SLC35D1: variants seen among roughly 807,000 people sequenced by gnomAD.
SLC35D1 encodes nucleotide sugar transporter SLC35D1.
Under a neutral mutation model 46.7 loss-of-function variants are expected in SLC35D1, and 31 were observed. The observed-to-expected ratio is 0.66, with a 90% CI of 0.50 to 0.90. The LOEUF is 0.90. SLC35D1 is among the 40% of genes least tolerant of loss of function. SLC35D1 has a pLI of 0.00. For missense variants in SLC35D1, 397 were observed against 426.2 expected (o/e 0.93, Z 0.60); for synonymous variants, 195 against 164.6 (o/e 1.18, Z -1.41).
the SLC35D1 span, among the ~76,000 whole-genome samples, chr1:66,989,577 C>A: frequency 6.6e-6 from 1 of 152,222 alleles, no homozygotes; most frequent in African/African-American, 2.4e-5. Flanking sequence ...AATCCTCCCA[C>A]CTCAGCCTCC....
chr1:67,047,145 A>C (rs1645260069), intron 7 of SLC35D1, 120 bp downstream of exon 7: 2 of 744,206 alleles, frequency 2.7e-6, no homozygotes, highest in Non-Finnish European at 4.7e-6. Flanking sequence ...TTTTACCCTC[A>C]GAGAGCCACT....
In SLC35D1 at chr1:67,052,118, A is replaced by C. The variant is rs372112875; in HGVS notation, c.325-39T>G. The stretch of plus-strand genomic sequence containing the variant: ...AAAGGGATAACAAAACTCAATAATA[A>C]AGATAGCTAAAACAAGGTCCTTTCA... On this transcript the variant is annotated intron_variant, in intron 3 of 11. Coordinates refer to ENST00000235345, the MANE Select transcript of SLC35D1 (RefSeq NM_015139.3). 22 of 1,350,572 alleles carry C rather than the reference A, an allele frequency of 1.6e-5. No individual in the cohort carries two copies. The African/African-American group carries it at 3.0e-4, about 19-fold the overall frequency. 83.7% of individuals were successfully genotyped at this position (1,350,572 alleles called of 1,614,324 possible). A position where few individuals can be genotyped will look rare whatever the true frequency, so the allele number is the denominator to read the frequency against.
chr1:66,990,141 A>C, the SLC35D1 span, among the ~76,000 whole-genome samples: 9 of 152,326 alleles, frequency 5.9e-5, no homozygotes, highest in East Asian at 1.7e-3. Context: ...GCTTTCAAAC[A>C]TCCTGAATTA....
chr1:67,032,542 G>A (rs775274136), intron 8 of SLC35D1, among the ~76,000 whole-genome samples: 10 of 152,072 alleles, frequency 6.6e-5, no homozygotes, highest in Admixed American at 2.6e-4. Context: ...TTAGCTGGGC[G>A]TGGTGGCGTG....
At chr1:66,979,828 A>C in the SLC35D1 span, among the ~76,000 whole-genome samples, 2 of 151,614 alleles carry the variant, frequency 1.3e-5, no homozygotes, top group African/African-American at 4.8e-5. Context: ...ACAGTGGCGC[A>C]ATCTCGGCTC....
At chr1:67,021,678 C>A in intron 8 of SLC35D1, 76 bp from the exon 9 acceptor site, 15 of 1,297,862 alleles carry the variant, frequency 1.2e-5, no homozygotes, top group East Asian at 3.0e-5. Flanking sequence ...GTAAATCCTT[C>A]TACGAGTCTG....
chr1:66,987,799 AGAC>A, the SLC35D1 span: 1 of 152,186 alleles, frequency 6.6e-6, no homozygotes, highest in African/African-American at 2.4e-5. Flanking sequence ...TTCTATTCCT[AGAC>A]ATATTGCACT....
chr1:67,013,171 C>CATATGTATATATATATATATATATATG (rs1484938863), intron 10 of SLC35D1, among the ~76,000 whole-genome samples: 4 of 5,876 alleles, frequency 6.8e-4, no homozygotes, highest in African/African-American at 3.9e-3. Context: ...TATATATATC[C>CATATGTATATATATATATATATATATG]TGTTCTTAAA....
At chr1:67,043,541 G>A (rs912825632) in intron 7 of SLC35D1, among the ~76,000 whole-genome samples, 2 of 151,978 alleles carry the variant, frequency 1.3e-5, no homozygotes, top group Non-Finnish European at 2.9e-5. Flanking sequence ...CAAGACCCTG[G>A]CTCAAAAACA....
the SLC35D1 span, chr1:66,976,659 A>C: frequency 6.2e-7 from 1 of 1,608,330 alleles, no homozygotes; most frequent in Non-Finnish European, 8.5e-7. Flanking sequence ...TCTGAACGTT[A>C]TGATTTCTTT....
chr1:67,049,621 T>C (rs1645286867), intron 6 of SLC35D1, among the ~76,000 whole-genome samples, 161 bp downstream of exon 6: 1 of 152,216 alleles, frequency 6.6e-6, no homozygotes, highest in Admixed American at 6.5e-5. Context: ...ACCTTTATCT[T>C]AATACAGCCA....
At chr1:66,986,537 G>C in the SLC35D1 span, 5 of 1,238,122 alleles carry the variant, frequency 4.0e-6, no homozygotes, top group Non-Finnish European at 4.7e-6. Flanking sequence ...GGTTTGCACT[G>C]AGAAATTAGC....
chr1:66,995,166 T>C (rs1667224793), downstream of SLC35D1, among the ~76,000 whole-genome samples: 1 of 151,964 alleles, frequency 6.6e-6, no homozygotes, highest in Non-Finnish European at 1.5e-5. Context: ...AGTGATCCTG[T>C]CATAGTGCAA....
At chr1:67,024,421 T>C (rs905465662) in intron 8 of SLC35D1, among the ~76,000 whole-genome samples, 1 of 152,196 alleles carries the variant, frequency 6.6e-6, no homozygotes, top group African/African-American at 2.4e-5. Context: ...TGGTTTTAGC[T>C]TTTACAGTTA....
chr1:67,012,604 A>C (rs1260481161), intron 10 of SLC35D1, among the ~76,000 whole-genome samples: 6 of 141,086 alleles, frequency 4.3e-5, no homozygotes, highest in Admixed American at 1.3e-4. Flanking sequence ...ATTGATGAGA[A>C]GGTCACATTT....
At chr1:67,021,668 G>A in intron 8 of SLC35D1, 66 bp from the exon 9 acceptor site, 1 of 1,416,018 alleles carries the variant, frequency 7.1e-7, no homozygotes, top group Non-Finnish European at 9.7e-7. Context: ...CCGTTTTAAT[G>A]TAAATCCTTC....
the SLC35D1 span, among the ~76,000 whole-genome samples, chr1:66,983,424 C>T: frequency 3.3e-5 from 5 of 152,016 alleles, no homozygotes; most frequent in East Asian, 1.9e-4. Context: ...TCCTTTATGC[C>T]GAATATTTTT....
chr1:67,011,844 T>C (rs1448763024), intron 10 of SLC35D1, among the ~76,000 whole-genome samples: 11 of 152,154 alleles, frequency 7.2e-5, no homozygotes, highest in Non-Finnish European at 1.5e-5. Context: ...TGACAAGTCT[T>C]GGTTATAGCT....
chr1:67,021,790 T>TAG (rs1332777030), intron 8 of SLC35D1, among the ~76,000 whole-genome samples, 188 bp from the exon 9 acceptor site: 1 of 149,148 alleles, frequency 6.7e-6, no homozygotes, highest in Non-Finnish European at 1.5e-5. Context: ...ACTCCAAGGA[T>TAG]AGAGAGTGAT....
Sources: gnomAD v4.1 joint callset for allele counts (sites outside exome capture counted in the v4.1 genomes callset) on GRCh38, gnomAD v4.1.1 for gene constraint, MANE v1.5 for transcripts, NCBI Gene and HGNC (gene_info 2026-07-23, HGNC 2026-07-21) for gene names.